The following ING5 variants were observed in gnomAD, a reference collection of about 807,000 sequenced individuals.
The protein encoded by ING5 is inhibitor of growth family member 5, also known as inhibitor of growth protein 5.
ING5 carries 17 observed loss-of-function variants against 37.4 expected under a neutral mutation model. The ratio of observed to expected loss-of-function variants is 0.45; its 90% CI spans 0.31 to 0.68. ING5 has a LOEUF of 0.68. ING5 is among the 30% of genes least tolerant of loss of function. The probability of loss-of-function intolerance (pLI) is 0.05; values close to 1 mark genes in which losing one functional copy is unlikely to be tolerated. For synonymous variants in ING5, 123 were observed against 116.6 expected (o/e 1.06, Z -0.36); for missense variants, 233 against 311.9 (o/e 0.75, Z 1.91).
intron 2 of ING5, among the ~76,000 whole-genome samples, chr2:241,692,922 C>T (rs2069575914): frequency 6.6e-6 from 1 of 152,300 alleles, no homozygotes; most frequent in Non-Finnish European, 1.5e-5. Context: ...GCAGCAGACA[C>T]ATGAAAACTG....
chr2:241,720,523 T>C, intron 5 of ING5: 1 of 992,962 alleles, frequency 1.0e-6, no homozygotes, highest in Non-Finnish European at 1.2e-6. Context: ...CCCTGTGGCC[T>C]TGCTCTGGCG....
At chr2:241,721,485 A>T in intron 5 of ING5, 1 of 985,510 alleles carries the variant, frequency 1.0e-6, no homozygotes, top group Non-Finnish European at 1.2e-6. Flanking sequence ...GCTGAGCCCG[A>T]GTGTGTGTGT....
At chr2:241,688,242 G>T (rs1053639104) in intron 1 of ING5, among the ~76,000 whole-genome samples, 1 of 152,202 alleles carries the variant, frequency 6.6e-6, no homozygotes. Flanking sequence ...CTTACCTTTC[G>T]AGGCGATTAT....
At chr2:241,707,628 T>G (rs2124898117) in intron 2 of ING5, among the ~76,000 whole-genome samples, 1 of 152,304 alleles carries the variant, frequency 6.6e-6, no homozygotes, top group Admixed American at 6.5e-5. Context: ...TAGCTGTGTT[T>G]TTTTCCTTAG....
upstream of ING5, among the ~76,000 whole-genome samples, chr2:241,698,139 A>T (rs549208336): frequency 3.9e-3 from 526 of 134,420 alleles, 4 homozygotes; most frequent in Non-Finnish European, 6.5e-3. Context: ...ATAATGATGG[A>T]CTTTGGTTAA....
chr2:241,719,772 TGG>T, intron 5 of ING5: 1 of 1,443,576 alleles, frequency 6.9e-7, no homozygotes, highest in Non-Finnish European at 9.0e-7. Context: ...AGATCCACTG[TGG>T]CCTCATGGCT....
chr2:241,692,153 C>T (rs1283477040), intron 2 of ING5, among the ~76,000 whole-genome samples: 1 of 152,160 alleles, frequency 6.6e-6, no homozygotes, highest in African/African-American at 2.4e-5. Flanking sequence ...GCACACGCAG[C>T]ACCAGTCATG....
intron 3 of ING5, among the ~76,000 whole-genome samples, chr2:241,710,016 C>T (rs1207794429): frequency 6.6e-6 from 1 of 152,058 alleles, no homozygotes; most frequent in Non-Finnish European, 1.5e-5. Flanking sequence ...GATCACGGCT[C>T]ACTGCAACCT....
At position 241,702,111 on chromosome 2, in the gene ING5, GC is replaced by G; in HGVS notation, c.37+13del. 1.5e-6 allele frequency: 2 copies of G among 1,312,978 alleles called. No individual in the cohort carries two copies. The highest frequency in any genetic ancestry group is 9.8e-7 in the Non-Finnish European group (1 of 1,024,716). The allele number at this position is 1,312,978 out of a possible 1,614,324, so 81.3% of individuals were successfully genotyped here. On this transcript the variant is annotated intron_variant, in intron 1 of 7. Coordinates refer to ENST00000313552, the MANE Select transcript of ING5 (RefSeq NM_032329.6). ...GGAGCACTATCTGGACAGTAAGCGC[GC>G]CCCACGGGCCCCGCGCCCGCCGCCC...
chr2:241,690,307 T>A (rs2069530948), exon 2 of ING5: 1 of 295,034 alleles, frequency 3.4e-6, no homozygotes, highest in Non-Finnish European at 6.3e-6. Context: ...TTAGCACAGG[T>A]AGCAGAATAC....
intron 5 of ING5, among the ~76,000 whole-genome samples, chr2:241,715,589 T>TCTCTTGCCTCC (rs1383596414): frequency 6.7e-6 from 1 of 149,218 alleles, no homozygotes; most frequent in Non-Finnish European, 1.5e-5. Flanking sequence ...TTCAAGCAAT[T>TCTCTTGCCTCC]CTCTTGCCTC....
intron 2 of ING5, among the ~76,000 whole-genome samples, chr2:241,696,359 C>G (rs1397206315): frequency 6.6e-6 from 1 of 151,966 alleles, no homozygotes; most frequent in Non-Finnish European, 1.5e-5. Flanking sequence ...CCACTGCACT[C>G]CAGCCGGGGT....
intron 2 of ING5, among the ~76,000 whole-genome samples, chr2:241,692,295 ATTT>A: frequency 6.7e-6 from 1 of 149,494 alleles, no homozygotes; most frequent in Non-Finnish European, 1.5e-5. Flanking sequence ...TCCCTTTGAG[ATTT>A]TTTTTTTATT....
chr2:241,719,810 C>T, intron 5 of ING5: 1 of 1,434,342 alleles, frequency 7.0e-7, no homozygotes, highest in Non-Finnish European at 9.1e-7. Context: ...GTGCGCTGAC[C>T]AGCACTGTTT....
intron 2 of ING5, among the ~76,000 whole-genome samples, chr2:241,705,069 A>AT (rs2069861792): frequency 6.6e-6 from 1 of 152,052 alleles, no homozygotes; most frequent in Non-Finnish European, 1.5e-5. Context: ...GCCGTTTGAT[A>AT]TTTAACTCCG....
exon 1 of ING5, chr2:241,687,931 A>T (rs1397179150): frequency 2.0e-5 from 3 of 152,188 alleles, no homozygotes; most frequent in Admixed American, 1.3e-4. Flanking sequence ...GTGGGTCATG[A>T]TGATAATAGG....
intron 5 of ING5, chr2:241,712,282 G>A (rs2070135486): frequency 5.9e-6 from 3 of 511,668 alleles, no homozygotes; most frequent in Non-Finnish European, 1.1e-5. Flanking sequence ...GTGTCGCAGG[G>A]ACCTGCCCAG....
rs1275805374 is a variant in ING5, at chr2:241,711,960, A to G, written c.389-18A>G. ...AGAGAATTCTATAAAAATAATTTGC[A>G]TCTTGATTATTTTTCAGAAGGCCGG... On this transcript the variant is annotated intron_variant, in intron 4 of 7. Transcript: ENST00000313552. The G allele has an allele frequency of 6.4e-7, 1 of 1,560,910 alleles. No homozygotes were observed. The highest frequency in any genetic ancestry group is 1.2e-5 in the South Asian group (1 of 82,932).
At chr2:241,721,387 GAGAA>G (rs1489960307) in intron 5 of ING5, 1 of 985,498 alleles carries the variant, frequency 1.0e-6, no homozygotes, top group East Asian at 1.1e-4. Context: ...CCCAGACAGA[GAGAA>G]AGAGCAGAAG....
Sources: allele counts gnomAD v4.1 joint callset (sites outside exome capture counted in the v4.1 genomes callset), GRCh38; gene constraint gnomAD v4.1.1; transcripts MANE v1.5; gene names NCBI Gene and HGNC (gene_info 2026-07-23, HGNC 2026-07-21).